The following MYO5A variants were observed in gnomAD, a reference collection of about 807,000 sequenced individuals.
MYO5A encodes unconventional myosin-Va.
A neutral mutation model predicts 249.7 loss-of-function variants in MYO5A; 98 were observed. The ratio of observed to expected loss-of-function variants is 0.39; its 90% confidence interval spans 0.33 to 0.46. MYO5A has a LOEUF of 0.46. Ranked by LOEUF, MYO5A falls within the 20% of genes least tolerant of loss-of-function variation. MYO5A has a pLI of 0.98. For missense variants in MYO5A, 1,696 were observed against 2,308.8 expected (o/e 0.73, Z 5.44); for synonymous variants, 778 against 810.6 (o/e 0.96, Z 0.68).
chr15:52,367,461 A>C (rs1335385392), intron 22 of MYO5A, among the ~76,000 whole-genome samples: 7 of 151,770 alleles, frequency 4.6e-5, no homozygotes, highest in Non-Finnish European at 8.8e-5. Flanking sequence ...ACTTTACATT[A>C]AACATTAAAA....
chr15:52,478,136 T>C (rs551016892), intron 1 of MYO5A, among the ~76,000 whole-genome samples: 26 of 152,234 alleles, frequency 1.7e-4, no homozygotes, highest in South Asian at 8.3e-4. Context: ...CCAGCCTCGC[T>C]GCCACCTTGC....
intron 16 of MYO5A, among the ~76,000 whole-genome samples, chr15:52,381,529 C>T (rs1248290584): frequency 1.3e-5 from 2 of 152,068 alleles, no homozygotes; most frequent in Non-Finnish European, 2.9e-5. Flanking sequence ...GATAATCAGA[C>T]AAATATACAA....
intron 12 of MYO5A, 83 bp from the exon 13 acceptor site, chr15:52,389,446 A>T (rs903234807): frequency 1.2e-4 from 127 of 1,033,122 alleles, no homozygotes; most frequent in East Asian, 4.6e-4. Flanking sequence ...AAGATCTTTT[A>T]TTTTTTTTTT....
At position 52,311,436 on chromosome 15, in the gene MYO5A, C is replaced by T. The variant is rs2037771743; in HGVS notation, c.*2260G>A. 6.6e-6 allele frequency: 1 copy of T among 152,126 alleles called. No individual in the cohort carries two copies. Among genetic ancestry groups the T allele is most frequent in the Non-Finnish European group, 1.5e-5 (1 of 68,016 alleles). The allele number at this position is 152,126 out of a possible 1,614,324, so 9.4% of individuals were successfully genotyped here. On this transcript the variant is annotated 3_prime_UTR_variant, in exon 42 of 42. Transcript: ENST00000399233. ...TGTGCATTGAAAACCGCATTGACAA[C>T]CAGGAAAAACTGGGAGAATTTGATG...
rs147539916 is a variant in MYO5A, at chr15:52,432,231, C to T, written c.138+944G>A. Among the ~76,000 whole-genome samples the T allele has an allele frequency of 3.9e-5, 6 of 152,282 alleles. No homozygotes were observed. The East Asian group carries it at 9.6e-4, about 24-fold the overall frequency. Reference sequence around the variant, plus strand: ...ATGGAGAATCACCACTAGAACACAACGATATTTGCTGCAGGCAAGACACAG... The same window carrying T: ...ATGGAGAATCACCACTAGAACACAATGATATTTGCTGCAGGCAAGACACAG... On this transcript the variant is annotated intron_variant, in intron 2 of 41. Coordinates refer to ENST00000399233, the MANE Select transcript of MYO5A (RefSeq NM_001382347.1).
In MYO5A at chr15:52,364,472, G is replaced by A; in HGVS notation, c.3309+82C>T. On this transcript the variant is annotated intron_variant, in intron 24 of 41. Transcript: ENST00000399233. ...TGGGTGGTAGGTACACAGAAGATAT[G>A]GAGGTTCATTCTACTATTCTATTTA... 3.8e-6 allele frequency: 5 copies of A among 1,325,098 alleles called. No individual in the cohort carries two copies. The South Asian group carries it at 5.2e-5, about 14-fold the overall frequency. The allele number at this position is 1,325,098 out of a possible 1,614,324, so 82.1% of individuals were successfully genotyped here.
At chr15:52,360,268 C>T (rs998165606) in intron 24 of MYO5A, among the ~76,000 whole-genome samples, 187 bp from the exon 25 acceptor site, 2 of 152,196 alleles carry the variant, frequency 1.3e-5, no homozygotes, top group Admixed American at 1.3e-4. Context: ...AAAAGGTACA[C>T]TGGCATGACA....
chr15:52,432,652 C>T (rs1431669938), intron 2 of MYO5A, among the ~76,000 whole-genome samples: 1 of 152,134 alleles, frequency 6.6e-6, no homozygotes, highest in Non-Finnish European at 1.5e-5. Context: ...AAATTCACTC[C>T]AAAGTGCCGA....
intron 18 of MYO5A, 114 bp downstream of exon 18, chr15:52,379,511 C>T: frequency 1.1e-6 from 1 of 888,670 alleles, no homozygotes; most frequent in South Asian, 1.4e-5. Context: ...CCTCTCTGAT[C>T]CCACCCCGAA....
At position 52,353,851 on chromosome 15, in the gene MYO5A, G is replaced by A. The variant is rs150782002; in HGVS notation, c.3567+20C>T. 2.5e-4 allele frequency: 399 copies of A among 1,612,866 alleles called. No individual in the cohort carries two copies. In the African/African-American group the frequency reaches 4.1e-3, roughly 16 times the overall value. On this transcript the variant is annotated intron_variant, in intron 26 of 41. Transcript: ENST00000399233. ...ACATAAAGCCCAGCTTCAGCTCTGC[G>A]GATGGGCTGTGCTGCGCACCTTGGC...
Position 52,370,420 on chromosome 15 carries a change from T to C in MYO5A, c.2818-3A>G. 1 of 1,608,450 alleles carries C rather than the reference T, an allele frequency of 6.2e-7. No homozygotes were observed. Among genetic ancestry groups the C allele is most frequent in the Non-Finnish European group, 8.5e-7 (1 of 1,174,958 alleles). On this transcript the variant is annotated splice_region_variant and splice_polypyrimidine_tract_variant and intron_variant, in intron 21 of 41. Transcript: ENST00000399233. ...ACAAGGCATTTGTAGTCTTTGTTCTTTAAACATACACATAAGTAACAATAA... is the reference window on the plus strand; with the variant it reads ...ACAAGGCATTTGTAGTCTTTGTTCTCTAAACATACACATAAGTAACAATAA...
intron 36 of MYO5A, 81 bp from the exon 37 acceptor site, chr15:52,323,525 C>T (rs904811361): frequency 1.0e-5 from 10 of 972,014 alleles, no homozygotes; most frequent in Non-Finnish European, 1.6e-5. Context: ...TACCAAAAGA[C>T]CCATTTCTTT....
chr15:52,517,257 T>C (rs1693502), intron 1 of MYO5A, among the ~76,000 whole-genome samples: 118,943 of 152,168 alleles, frequency 0.78, 47,031 homozygotes, highest in South Asian at 0.84. Flanking sequence ...AATTCTAAAA[T>C]TAACTAAAAC....
intron 1 of MYO5A, among the ~76,000 whole-genome samples, chr15:52,476,376 C>G (rs184411595): frequency 2.0e-5 from 3 of 152,286 alleles, no homozygotes; most frequent in Admixed American, 1.3e-4. Flanking sequence ...TTAATTGGAG[C>G]ATTTAGCCCA....
intron 1 of MYO5A, among the ~76,000 whole-genome samples, chr15:52,491,941 A>G (rs2076943796): frequency 6.6e-6 from 1 of 152,238 alleles, no homozygotes; most frequent in South Asian, 2.1e-4. Flanking sequence ...TAGAGTACGA[A>G]CCTATAGCTT....
intron 1 of MYO5A, among the ~76,000 whole-genome samples, chr15:52,468,609 G>A (rs1318360038): frequency 6.6e-6 from 1 of 152,208 alleles, no homozygotes; most frequent in Non-Finnish European, 1.5e-5. Context: ...GTTCAAGGCT[G>A]TAGTGATTTA....
chr15:52,388,814 T>C (rs1034399294), intron 13 of MYO5A, among the ~76,000 whole-genome samples: 1 of 152,184 alleles, frequency 6.6e-6, no homozygotes, highest in African/African-American at 2.4e-5. Flanking sequence ...TTTAGAGATG[T>C]AGTATGTACA....
At chr15:52,329,905 A>ATTTTTTTTTTTTTTTTTTTTTTTTTTTTT (rs58058940) in intron 35 of MYO5A, among the ~76,000 whole-genome samples, 5 of 119,726 alleles carry the variant, frequency 4.2e-5, no homozygotes, top group Admixed American at 8.2e-5. Flanking sequence ...CGCCTGGGTA[A>ATTTTTTTTTTTTTTTTTTTTTTTTTTTTT]TTTTTTTTTT....
intron 1 of MYO5A, among the ~76,000 whole-genome samples, chr15:52,471,489 G>A (rs2076467890): frequency 6.6e-6 from 1 of 151,720 alleles, no homozygotes; most frequent in African/African-American, 2.4e-5. Context: ...GCATGGTAGT[G>A]TGCACCTGTA....
Sources: allele counts gnomAD v4.1 joint callset (sites outside exome capture counted in the v4.1 genomes callset), GRCh38; gene constraint gnomAD v4.1.1; transcripts MANE v1.5; gene names NCBI Gene and HGNC (gene_info 2026-07-23, HGNC 2026-07-21).